Variants in ZNF703 observed in about 807,000 individuals in gnomAD.
The protein encoded by ZNF703 is NocA-like zinc finger 1.
A neutral mutation model predicts 30.7 loss-of-function variants in ZNF703; 18 were observed. The observed-to-expected ratio is 0.59, with a 90% CI of 0.40 to 0.87. ZNF703 has a LOEUF of 0.87. Among genes scored for constraint, ZNF703 ranks in the 40% least tolerant of loss-of-function variants. The pLI, the probability that ZNF703 is intolerant of heterozygous loss-of-function variation, is 0.00. For synonymous variants in ZNF703, 457 were observed against 438.6 expected (o/e 1.04, Z -0.52); for missense variants, 814 against 847.8 (o/e 0.96, Z 0.50).
rs972769589 is a variant in ZNF703 at position 37,696,657 on chromosome 8, C to A, written c.243+435C>A. Among the ~76,000 whole-genome samples, 1 of 152,108 alleles carries A rather than the reference C, an allele frequency of 6.6e-6. No individual in the cohort carries two copies. The highest frequency in any genetic ancestry group is 6.5e-5 in the Admixed American group (1 of 15,288). ...GCACGGCGCCCTGGCGCTCCCGATC[C>A]CGGATCTTTCTTCCTGCCTCTTCCC... On this transcript the variant is annotated intron_variant, in intron 1 of 1. Transcript: ENST00000331569. The surrounding 1 kb of genome is among the most constrained non-coding windows in gnomAD (Gnocchi z 8.2).
Position 37,697,758 on chromosome 8 carries a change from C to T in ZNF703, c.857C>T (p.Ala286Val), listed in dbSNP as rs1802096735. ...ASGRKSEPPS[A>V]LVGAGHVAPV... ...GGGCGCAAGTCCGAGCCGCCCTCGG[C>T]GCTGGTGGGGGCCGGCCACGTGGCG... Residue 286 changes from alanine (A) to valine (V), a missense_variant, in exon 2 of 2, where the codon GCG (alanine) becomes GTG (valine). Physicochemically the swap from Ala to Val is moderately conservative, Grantham distance 64 (BLOSUM62 0). Coordinates refer to ENST00000331569, the MANE Select transcript of ZNF703 (RefSeq NM_025069.3). 2.0e-6 allele frequency: 3 copies of T among 1,472,872 alleles called. No homozygotes were observed. Among genetic ancestry groups the T allele is most frequent in the Admixed American group, 2.3e-5 (1 of 43,746 alleles). 91.2% of individuals were successfully genotyped at this position (1,472,872 alleles called of 1,614,324 possible). A position where few individuals can be genotyped will look rare whatever the true frequency, so the allele number is the denominator to read the frequency against.
Position 37,698,414 on chromosome 8 carries a change from A to AGCGCCG in ZNF703, c.1514_1519dup (p.Ala506_Ala507insGlyAla). ...CTACCCCGGGGCCTCGGGCCTGGGC[A>AGCGCCG]GCGCCGCCGCCGCCGCCGCCGCCGC... is the stretch of plus-strand genomic sequence containing the variant. On this transcript the variant is annotated inframe_insertion, in exon 2 of 2. Coordinates refer to ENST00000331569, the MANE Select transcript of ZNF703 (RefSeq NM_025069.3). 1 of 1,487,200 alleles carries AGCGCCG rather than the reference A, an allele frequency of 6.7e-7. No homozygotes were observed. Among genetic ancestry groups the AGCGCCG allele is most frequent in the Non-Finnish European group, 8.9e-7 (1 of 1,121,370 alleles). The allele number at this position is 1,487,200 out of a possible 1,614,324, so 92.1% of individuals were successfully genotyped here.
chr8:37,698,206 C>A lies in ZNF703; in HGVS notation c.1305C>A (p.Ala435=). 1.3e-6 allele frequency: 2 copies of A among 1,507,210 alleles called. No homozygotes were observed. The highest frequency in any genetic ancestry group is 1.8e-6 in the Non-Finnish European group (2 of 1,134,174). The allele number at this position is 1,507,210 out of a possible 1,614,324, so 93.4% of individuals were successfully genotyped here. ...CGCTCTCGTCCAGCGCCGCCCAGGCCGCGCTCCCCGGCCACCCGCTCTACA... is the reference window on the plus strand; with the variant it reads ...CGCTCTCGTCCAGCGCCGCCCAGGCAGCGCTCCCCGGCCACCCGCTCTACA... ...PAALSSSAAQ[A]ALPGHPLYTY... Residue 435 remains alanine (A), a synonymous_variant, in exon 2 of 2, where the codon GCC becomes GCA. Coordinates refer to ENST00000331569, the MANE Select transcript of ZNF703 (RefSeq NM_025069.3).
chr8:37,696,176 C>T lies in ZNF703; in HGVS notation c.197C>T (p.Pro66Leu), dbSNP rs1802065809. Reference protein sequence around the residue: ...LSAHTGHLLHPEYLQPLSSTP... With the variant: ...LSAHTGHLLHLEYLQPLSSTP... ...GCTCACACCGGTCACCTCCTGCACC[C>T]GGAGTACCTGCAGCCGCTGTCCTCC... Residue 66 changes from proline (P) to leucine (L), a missense_variant, in exon 1 of 2, where the codon CCG becomes CTG. By Grantham distance (98) the Pro-to-Leu change is moderately conservative. Transcript: ENST00000331569. The surrounding 1 kb of genome is among the most constrained non-coding windows in gnomAD (Gnocchi z 8.2). The T allele has an allele frequency of 2.5e-6, 4 of 1,612,046 alleles. No homozygotes were observed. The South Asian group carries it at 3.3e-5, about 13-fold the overall frequency.
chr8:37,698,940 G>A lies in ZNF703; in HGVS notation c.*266G>A, dbSNP rs569385296. On this transcript the variant is annotated 3_prime_UTR_variant, in exon 2 of 2. Transcript: ENST00000331569. ...TAATAATATTAATCCCACAAATAAC[G>A]ACATGATCCCCGCCCCTGTTCCTTT... 1 of 375,094 alleles carries A rather than the reference G, an allele frequency of 2.7e-6. No homozygotes were observed. Among genetic ancestry groups the A allele is most frequent in the Admixed American group, 4.6e-5 (1 of 21,764 alleles). The allele number at this position is 375,094 out of a possible 1,614,324, so 23.2% of individuals were successfully genotyped here. A position where few individuals can be genotyped will look rare whatever the true frequency, so the allele number is the denominator to read the frequency against.
In ZNF703 at chr8:37,698,701, C is replaced by T. The variant is rs777801803; in HGVS notation, c.*27C>T. ...TACAGCTCTTCCTCCACCCCAGCCC[C>T]CTCACCCTCCTCCCTCTCCCTCCTC... On this transcript the variant is annotated 3_prime_UTR_variant, in exon 2 of 2. Coordinates refer to ENST00000331569, the MANE Select transcript of ZNF703 (RefSeq NM_025069.3). 1 of 1,403,982 alleles carries T rather than the reference C, an allele frequency of 7.1e-7. No individual in the cohort carries two copies. The highest frequency in any genetic ancestry group is 9.3e-7 in the Non-Finnish European group (1 of 1,076,268). 87.0% of individuals were successfully genotyped at this position (1,403,982 alleles called of 1,614,324 possible).
rs542264280 is a variant in ZNF703, at chr8:37,696,253, G to A, written c.243+31G>A. On this transcript the variant is annotated intron_variant, in intron 1 of 1. Transcript: ENST00000331569. The surrounding 1 kb of genome is among the most constrained non-coding windows in gnomAD (Gnocchi z 8.2). ...TCCCCGGCCGCTGCCCCCGGGCGCC[G>A]GCCCCATTCCTCCCACCGCGACCGG... The A allele has an allele frequency of 2.5e-5, 38 of 1,549,602 alleles. No individual in the cohort carries two copies. In the African/African-American group the frequency reaches 4.9e-4, roughly 20 times the overall value.
chr8:37,695,932 G>A lies in ZNF703; in HGVS notation c.-48G>A, dbSNP rs946774170. 2.2e-6 allele frequency: 2 copies of A among 916,442 alleles called. No homozygotes were observed. Among genetic ancestry groups the A allele is most frequent in the African/African-American group, 3.7e-5 (2 of 54,324 alleles). The allele number at this position is 916,442 out of a possible 1,614,324, so 56.8% of individuals were successfully genotyped here. ...ACCCGCCCCGGGAGCTCGCCTCCCC[G>A]GTGCTCCCCCGCCCTCCCCGCCCCC... is the stretch of plus-strand genomic sequence containing the variant. On this transcript the variant is annotated 5_prime_UTR_variant, in exon 1 of 2. Transcript: ENST00000331569.
Position 37,696,199 on chromosome 8 carries a change from T to C in ZNF703, c.220T>C (p.Ser74Pro). The change falls in exon 1 of 2, where the codon TCC becomes CCC. Residue 74 changes from serine (S) to proline (P), a missense_variant. Coordinates refer to ENST00000331569, the MANE Select transcript of ZNF703 (RefSeq NM_025069.3). This position sits in a 1 kb window ranked among gnomAD's most constrained non-coding sequence, Gnocchi z 8.2. ...LHPEYLQPLS[S>P]TPVSPIELDA... The stretch of plus-strand genomic sequence containing the variant: ...CCCGGAGTACCTGCAGCCGCTGTCC[T>C]CCACTCCCGTCAGCCCCATTGAGGT... The C allele has an allele frequency of 1.9e-6, 3 of 1,610,464 alleles. No homozygotes were observed. Among genetic ancestry groups the C allele is most frequent in the Non-Finnish European group, 2.5e-6 (3 of 1,178,860 alleles).
Position 37,698,496 on chromosome 8 carries a change from T to A in ZNF703, c.1595T>A (p.Leu532Gln), listed in dbSNP as rs763865868. 3.2e-6 allele frequency: 5 copies of A among 1,553,316 alleles called. No individual in the cohort carries two copies. Among genetic ancestry groups the A allele is most frequent in the Non-Finnish European group, 4.3e-6 (5 of 1,154,288 alleles). ...PPAAPGSPGS[L>Q]SLRNPHTLGL... ...GCCGCCCCCGGCAGCCCCGGGTCGC[T>A]GTCCTTGCGGAATCCACACACTTTG... Residue 532 changes from leucine (L) to glutamine (Q), a missense_variant, in exon 2 of 2, where the codon CTG (leucine) becomes CAG (glutamine). Coordinates refer to ENST00000331569, the MANE Select transcript of ZNF703 (RefSeq NM_025069.3).
rs1802072592 is a variant in ZNF703 at position 37,696,674 on chromosome 8, C to G, written c.243+452C>G. The stretch of plus-strand genomic sequence containing the variant: ...TCCCGATCCCGGATCTTTCTTCCTG[C>G]CTCTTCCCTGGGTGCCCTCCCCGGG... On this transcript the variant is annotated intron_variant, in intron 1 of 1. Coordinates refer to ENST00000331569, the MANE Select transcript of ZNF703 (RefSeq NM_025069.3). This position sits in a 1 kb window ranked among gnomAD's most constrained non-coding sequence, Gnocchi z 8.2. Among the ~76,000 whole-genome samples, 1 of 152,122 alleles carries G rather than the reference C, an allele frequency of 6.6e-6. No individual in the cohort carries two copies. The highest frequency in any genetic ancestry group is 2.4e-5 in the African/African-American group (1 of 41,438).
chr8:37,695,910 C>G lies in ZNF703; in HGVS notation c.-70C>G. The G allele has an allele frequency of 3.0e-6, 4 of 1,311,886 alleles. No individual in the cohort carries two copies. Among genetic ancestry groups the G allele is most frequent in the South Asian group, 3.2e-5 (2 of 63,352 alleles). 81.3% of individuals were successfully genotyped at this position (1,311,886 alleles called of 1,614,324 possible). ...ATCGACGCTGCGGAGCGAGCCCACC[C>G]GCCCCGGGAGCTCGCCTCCCCGGTG... On this transcript the variant is annotated 5_prime_UTR_variant, in exon 1 of 2. Coordinates refer to ENST00000331569, the MANE Select transcript of ZNF703 (RefSeq NM_025069.3).
Position 37,697,977 on chromosome 8 carries a change from G to C in ZNF703, c.1076G>C (p.Ser359Thr). 6.4e-7 allele frequency: 1 copy of C among 1,560,510 alleles called. No individual in the cohort carries two copies. Among genetic ancestry groups the C allele is most frequent in the Non-Finnish European group, 8.6e-7 (1 of 1,160,062 alleles). Reference sequence around the variant, plus strand: ...GGCCTGCCGCCGGGCAAGCCCCCCAGCTCCAGCCCGCTCACCGGGGCCTCC... The same window carrying C: ...GGCCTGCCGCCGGGCAAGCCCCCCACCTCCAGCCCGCTCACCGGGGCCTCC... The part of the protein sequence containing the change: ...GLGLPPGKPP[S>T]SSPLTGASPP... The change falls in exon 2 of 2, where the codon AGC (serine) becomes ACC (threonine). Residue 359 changes from serine to threonine, a missense_variant. Transcript: ENST00000331569.
Position 37,695,796 on chromosome 8 carries a change from TA to T in ZNF703, c.-183del. 1.9e-6 allele frequency: 1 copy of T among 514,330 alleles called. No individual in the cohort carries two copies. Among genetic ancestry groups the T allele is most frequent in the Non-Finnish European group, 3.2e-6 (1 of 308,302 alleles). The allele number at this position is 514,330 out of a possible 1,614,324, so 31.9% of individuals were successfully genotyped here. A position where few individuals can be genotyped will look rare whatever the true frequency, so the allele number is the denominator to read the frequency against. On this transcript the variant is annotated 5_prime_UTR_variant, in exon 1 of 2. Transcript: ENST00000331569. ...AGGAAGGCGAAGGTTTTTGTGTTGC[TA>T]GCCGGGGCCAGCGGCGGTGGCGGCG... is the stretch of plus-strand genomic sequence containing the variant.
rs769817721 is a variant in ZNF703, at chr8:37,696,113, C to T, written c.134C>T (p.Ala45Val). The T allele has an allele frequency of 1.2e-6, 2 of 1,607,138 alleles. No homozygotes were observed. The highest frequency in any genetic ancestry group is 1.7e-6 in the Non-Finnish European group (2 of 1,177,380). ...CCACCGGCGGACCCCCTGCGCCAGG[C>T]GAACCGGCTCCCGATCAGGGTCCTG... is the stretch of plus-strand genomic sequence containing the variant. ...LLPPADPLRQ[A>V]NRLPIRVLKM... The change falls in exon 1 of 2, where the codon GCG becomes GTG. Residue 45 changes from alanine (A) to valine (V), a missense_variant. Ala to Val is a moderately conservative substitution (Grantham distance 64, BLOSUM62 0). Coordinates refer to ENST00000331569, the MANE Select transcript of ZNF703 (RefSeq NM_025069.3). The surrounding 1 kb of genome is among the most constrained non-coding windows in gnomAD (Gnocchi z 8.2).
In ZNF703 at chr8:37,698,297, C is replaced by T; in HGVS notation, c.1396C>T (p.Pro466Ser). The T allele has an allele frequency of 1.9e-6, 3 of 1,539,828 alleles. No individual in the cohort carries two copies. Among genetic ancestry groups the T allele is most frequent in the Non-Finnish European group, 2.6e-6 (3 of 1,145,852 alleles). The change falls in exon 2 of 2, where the codon CCG becomes TCG. Residue 466 changes from proline to serine, a missense_variant. Pro to Ser is a moderately conservative substitution (Grantham distance 74). Transcript: ENST00000331569. Reference sequence around the variant, plus strand: ...CTGCAACTGGGTGGCAGCCAGTGGGCCGTGCGACAAGCGCTTCGCCACCTC... The same window carrying T: ...CTGCAACTGGGTGGCAGCCAGTGGGTCGTGCGACAAGCGCTTCGCCACCTC... ...HSCNWVAASG[P>S]CDKRFATSEE...
At position 37,698,713 on chromosome 8, in the gene ZNF703, C is replaced by T. The variant is rs1474796450; in HGVS notation, c.*39C>T. 2.2e-6 allele frequency: 3 copies of T among 1,380,456 alleles called. No individual in the cohort carries two copies. Among genetic ancestry groups the T allele is most frequent in the Non-Finnish European group, 2.8e-6 (3 of 1,063,988 alleles). The allele number at this position is 1,380,456 out of a possible 1,614,324, so 85.5% of individuals were successfully genotyped here. A position where few individuals can be genotyped will look rare whatever the true frequency, so the allele number is the denominator to read the frequency against. On this transcript the variant is annotated 3_prime_UTR_variant, in exon 2 of 2. Transcript: ENST00000331569. ...TCCACCCCAGCCCCCTCACCCTCCT[C>T]CCTCTCCCTCCTCCTCCCTCCCCAC...
Position 37,697,490 on chromosome 8 carries a change from G to A in ZNF703, c.589G>A (p.Ala197Thr). The A allele has an allele frequency of 2.6e-6, 4 of 1,534,942 alleles. No individual in the cohort carries two copies. The highest frequency in any genetic ancestry group is 3.5e-6 in the Non-Finnish European group (4 of 1,145,526). ...GDKAGFRVPS[A>T]ACPPFPPHGA... is the part of the protein sequence containing the mutation. ...CAAGGCGGGCTTCAGGGTCCCCAGC[G>A]CCGCCTGCCCGCCCTTTCCCCCGCA... Residue 197 changes from alanine (A) to threonine (T), a missense_variant, in exon 2 of 2, where the codon GCC (alanine) becomes ACC (threonine). Ala to Thr is a moderately conservative substitution (Grantham distance 58). Transcript: ENST00000331569.
chr8:37,698,583 T>C lies in ZNF703; in HGVS notation c.1682T>C (p.Val561Ala). Reference sequence around the variant, plus strand: ...TTATCCACAGCGGGGGGCCTGGCCGTGCCGTCCCTCCCCACAGCCGGACCC... The same window carrying C: ...TTATCCACAGCGGGGGGCCTGGCCGCGCCGTCCCTCCCCACAGCCGGACCC... Reference protein sequence around the residue: ...SHLSTAGGLAVPSLPTAGPYY... With the variant: ...SHLSTAGGLAAPSLPTAGPYY... The change falls in exon 2 of 2, where the codon GTG (valine) becomes GCG (alanine). Residue 561 changes from valine (V) to alanine (A), a missense_variant. Physicochemically the swap from Val to Ala is moderately conservative, Grantham distance 64 (BLOSUM62 0). Transcript: ENST00000331569. 6.4e-7 allele frequency: 1 copy of C among 1,567,440 alleles called. No individual in the cohort carries two copies. Among genetic ancestry groups the C allele is most frequent in the Non-Finnish European group, 8.6e-7 (1 of 1,159,808 alleles).
Sources: allele counts gnomAD v4.1 joint callset (sites outside exome capture counted in the v4.1 genomes callset), GRCh38; gene constraint gnomAD v4.1.1; non-coding constraint Gnocchi (gnomAD v3.1); transcripts MANE v1.5; gene names NCBI Gene and HGNC (gene_info 2026-07-23, HGNC 2026-07-21).